PPP4R3A: variants seen among roughly 807,000 people sequenced by gnomAD.
PPP4R3A encodes the protein protein phosphatase 4 regulatory subunit 3A, also known as serine/threonine-protein phosphatase 4 regulatory subunit 3A.
PPP4R3A carries 15 observed loss-of-function variants against 91.7 expected under a neutral mutation model. That is an observed-to-expected ratio of 0.16 (90% CI 0.11 to 0.25). The LOEUF (loss-of-function observed/expected upper bound fraction) is 0.25, where lower values mean the gene tolerates loss of function less well. Ranked by LOEUF, PPP4R3A falls within the 10% of genes least tolerant of loss-of-function variation. The pLI is 1.00. For synonymous variants in PPP4R3A, 377 were observed against 348.7 expected (o/e 1.08, Z -0.91); for missense variants, 623 against 998.4 (o/e 0.62, Z 5.07).
In PPP4R3A at chr14:91,462,244, G is replaced by C. The variant is rs1220603425; in HGVS notation, c.1974-5C>G. 3 of 1,568,672 alleles carry C rather than the reference G, an allele frequency of 1.9e-6. No individual in the cohort carries two copies. Among genetic ancestry groups the C allele is most frequent in the African/African-American group, 2.8e-5 (2 of 72,568 alleles). On this transcript the variant is annotated splice_region_variant and splice_polypyrimidine_tract_variant and intron_variant, in intron 12 of 14. Transcript: ENST00000554943. ...TTCCTCAAAATGGAACGCATACTAT[G>C]AGTAGGGAAGAAAGAGTAAATACAA...
At chr14:91,502,871 C>G (rs1481778486) in intron 1 of PPP4R3A, among the ~76,000 whole-genome samples, 1 of 152,216 alleles carries the variant, frequency 6.6e-6, no homozygotes, top group Non-Finnish European at 1.5e-5. Context: ...TCAATGTAAG[C>G]ACACTATTCT....
Position 91,462,032 on chromosome 14 carries a change from A to T in PPP4R3A, c.2164+17T>A. The T allele has an allele frequency of 6.7e-7, 1 of 1,486,590 alleles. No individual in the cohort carries two copies. The highest frequency in any genetic ancestry group is 2.4e-5 in the East Asian group (1 of 40,954). The allele number at this position is 1,486,590 out of a possible 1,614,324, so 92.1% of individuals were successfully genotyped here. A position where few individuals can be genotyped will look rare whatever the true frequency, so the allele number is the denominator to read the frequency against. ...AGAAAGCCTTAATTTTCTCTTGCCCATTTTTTTCCAACATACATTTCTTCC... is the reference window on the plus strand; with the variant it reads ...AGAAAGCCTTAATTTTCTCTTGCCCTTTTTTTTCCAACATACATTTCTTCC... On this transcript the variant is annotated intron_variant, in intron 13 of 14. Transcript: ENST00000554943.
intron 3 of PPP4R3A, among the ~76,000 whole-genome samples, chr14:91,485,403 GAA>G (rs1285212115): frequency 3.3e-5 from 5 of 152,178 alleles, no homozygotes; most frequent in Admixed American, 3.3e-4. Flanking sequence ...CATGAAAAGA[GAA>G]AGTTTCAAAA....
chr14:91,498,861 C>T (rs972488535), intron 1 of PPP4R3A, among the ~76,000 whole-genome samples: 1 of 148,958 alleles, frequency 6.7e-6, no homozygotes, highest in Admixed American at 6.8e-5. Flanking sequence ...TTGCAGTGAG[C>T]CGAGATGGCA....
chr14:91,461,928 T>G, intron 13 of PPP4R3A, 121 bp downstream of exon 13: 2 of 1,383,450 alleles, frequency 1.4e-6, no homozygotes, highest in South Asian at 1.7e-5. Flanking sequence ...CATAAAGCAA[T>G]AGAGTCTTTA....
At chr14:91,509,475 C>T in intron 1 of PPP4R3A, 31 bp downstream of exon 1, 1 of 1,561,450 alleles carries the variant, frequency 6.4e-7, no homozygotes, top group South Asian at 1.2e-5. Flanking sequence ...GTGGGGGCTG[C>T]GAGGGTCCCG....
intron 3 of PPP4R3A, among the ~76,000 whole-genome samples, chr14:91,484,593 AAAACAGAATTCCT>A (rs1190395292): frequency 4.5e-4 from 68 of 152,210 alleles, no homozygotes; most frequent in Non-Finnish European, 1.6e-4. Context: ...AGGGCTTGTG[AAAACAGAATTCCT>A]AAGAAAGGAT....
chr14:91,476,532 T>A lies in PPP4R3A; in HGVS notation c.994-8A>T. 6.6e-7 allele frequency: 1 copy of A among 1,523,880 alleles called. No homozygotes were observed. The allele number at this position is 1,523,880 out of a possible 1,614,324, so 94.4% of individuals were successfully genotyped here. On this transcript the variant is annotated splice_region_variant and splice_polypyrimidine_tract_variant and intron_variant, in intron 5 of 14. Transcript: ENST00000554943. ...TTCTTTTAAAAAGTTAACCTGAAAT[T>A]AGAAAAAAGGATAAGTGATATAAAA...
intron 1 of PPP4R3A, among the ~76,000 whole-genome samples, chr14:91,496,037 A>G (rs564360101): frequency 2.6e-5 from 4 of 152,340 alleles, no homozygotes; most frequent in East Asian, 1.9e-4. Flanking sequence ...AACACAACAG[A>G]TATTTTACAA....
chr14:91,480,440 G>A (rs1424711482), intron 4 of PPP4R3A, among the ~76,000 whole-genome samples: 2 of 152,114 alleles, frequency 1.3e-5, no homozygotes. Context: ...AGCAAAACGT[G>A]GCTTTTGGTA....
chr14:91,462,725 G>A lies in PPP4R3A; in HGVS notation c.1973+10C>T, dbSNP rs1888237380. On this transcript the variant is annotated intron_variant, in intron 12 of 14. Transcript: ENST00000554943. Reference sequence around the variant, plus strand: ...GCTGAACGAATAGGTTTAAATATATGGTAATTTACCTGTCAAGTTTGGGAT... The same window carrying A: ...GCTGAACGAATAGGTTTAAATATATAGTAATTTACCTGTCAAGTTTGGGAT... 3 of 1,613,156 alleles carry A rather than the reference G, an allele frequency of 1.9e-6. No individual in the cohort carries two copies. Among genetic ancestry groups the A allele is most frequent in the Non-Finnish European group, 1.7e-6 (2 of 1,179,542 alleles).
intron 3 of PPP4R3A, 39 bp from the exon 4 acceptor site, chr14:91,482,232 A>G (rs1889610876): frequency 5.2e-6 from 8 of 1,541,748 alleles, no homozygotes; most frequent in Non-Finnish European, 6.9e-6. Context: ...AATAGATAAC[A>G]GGTGACCAGC....
At chr14:91,503,821 A>G (rs1891111115) in intron 1 of PPP4R3A, among the ~76,000 whole-genome samples, 1 of 152,246 alleles carries the variant, frequency 6.6e-6, no homozygotes, top group Admixed American at 6.5e-5. Context: ...CTTCAAGTTA[A>G]CAGACACAGC....
At chr14:91,474,384 A>G (rs763464281) in intron 7 of PPP4R3A, among the ~76,000 whole-genome samples, 23 of 152,182 alleles carry the variant, frequency 1.5e-4, no homozygotes, top group Non-Finnish European at 3.2e-4. Context: ...GTGTATGCAA[A>G]GGCAGGATGG....
In PPP4R3A at chr14:91,510,114, C is replaced by A. The variant is rs1244817254; in HGVS notation, c.-467G>T. On this transcript the variant is annotated 5_prime_UTR_variant, in exon 1 of 15. Coordinates refer to ENST00000554943, the MANE Select transcript of PPP4R3A (RefSeq NM_001366432.2). ...GCGGCCAGTGGCTCCCTTCCGCTCCCCCTGTTTTAAACGTCAGAAGCCGAC... is the reference window on the plus strand; with the variant it reads ...GCGGCCAGTGGCTCCCTTCCGCTCCACCTGTTTTAAACGTCAGAAGCCGAC... The A allele has an allele frequency of 5.1e-6, 1 of 196,716 alleles. No individual in the cohort carries two copies. The highest frequency in any genetic ancestry group is 9.3e-6 in the Non-Finnish European group (1 of 107,778). The allele number at this position is 196,716 out of a possible 1,614,324, so 12.2% of individuals were successfully genotyped here.
At chr14:91,459,950 T>C (rs867384343) in intron 14 of PPP4R3A, among the ~76,000 whole-genome samples, 2 of 152,156 alleles carry the variant, frequency 1.3e-5, no homozygotes, top group Non-Finnish European at 2.9e-5. Flanking sequence ...ACCCTGACTC[T>C]TCCTCATCAT....
chr14:91,467,809 A>G (rs1365656920), intron 10 of PPP4R3A, among the ~76,000 whole-genome samples: 2 of 152,198 alleles, frequency 1.3e-5, no homozygotes, highest in Non-Finnish European at 2.9e-5. Context: ...AAAAATTAAA[A>G]GCTCCCTAAA....
chr14:91,503,305 T>TC (rs1891075212), intron 1 of PPP4R3A, among the ~76,000 whole-genome samples: 1 of 146,260 alleles, frequency 6.8e-6, no homozygotes, highest in Non-Finnish European at 1.5e-5. Context: ...TTTTTTTTTT[T>TC]CTGAGACAGG....
At chr14:91,495,621 C>A (rs986915491) in intron 1 of PPP4R3A, among the ~76,000 whole-genome samples, 2 of 151,608 alleles carry the variant, frequency 1.3e-5, no homozygotes, top group African/African-American at 4.9e-5. Context: ...GGTTGCAAAC[C>A]TGTGATTATA....
Sources: gnomAD v4.1 joint callset for allele counts (sites outside exome capture counted in the v4.1 genomes callset) on GRCh38, gnomAD v4.1.1 for gene constraint, MANE v1.5 for transcripts, NCBI Gene and HGNC (gene_info 2026-07-23, HGNC 2026-07-21) for gene names.